The following EXOC4 variants were observed in gnomAD, a reference collection of about 807,000 sequenced individuals.
The protein encoded by EXOC4 is SEC8-like 1.
Under a neutral mutation model 107.2 loss-of-function variants are expected in EXOC4, and 71 were observed. That is an observed-to-expected ratio of 0.66 (90% CI 0.55 to 0.81). EXOC4 has a LOEUF of 0.81. Ranked by LOEUF, EXOC4 falls within the 30% of genes least tolerant of loss-of-function variation. The pLI is 0.00. For synonymous variants in EXOC4, 456 were observed against 441.2 expected (o/e 1.03, Z -0.42); for missense variants, 1,108 against 1,189.6 (o/e 0.93, Z 1.01).
At chr7:133,741,540 C>T (rs1795565244) in intron 10 of EXOC4, among the ~76,000 whole-genome samples, 1 of 152,150 alleles carries the variant, frequency 6.6e-6, no homozygotes, top group African/African-American at 2.4e-5. Flanking sequence ...GAGAGAAAGC[C>T]TAGGTCGTAT....
chr7:133,430,737 G>C (rs1348899226), intron 7 of EXOC4, among the ~76,000 whole-genome samples: 1 of 151,984 alleles, frequency 6.6e-6, no homozygotes. Context: ...ACGCATATTG[G>C]GCATATTATT....
chr7:133,308,453 C>T lies in EXOC4; in HGVS notation c.656+2392C>T, dbSNP rs1017810740. Reference sequence around the variant, plus strand: ...TGAAGACACAGGGAGAAGATGGTCACCTACAAGCGAAGGAGAGAGGTCTCA... The same window carrying T: ...TGAAGACACAGGGAGAAGATGGTCATCTACAAGCGAAGGAGAGAGGTCTCA... On this transcript the variant is annotated intron_variant, in intron 4 of 17. Transcript: ENST00000253861. 3.9e-5 allele frequency among the ~76,000 whole-genome samples: 6 copies of T among 152,252 alleles called. 2 individuals carry two copies. The highest frequency in any genetic ancestry group is 3.9e-4 in the Admixed American group (6 of 15,292).
intron 10 of EXOC4, among the ~76,000 whole-genome samples, chr7:133,693,378 T>C (rs1482920976): frequency 1.3e-5 from 2 of 152,192 alleles, no homozygotes; most frequent in African/African-American, 4.8e-5. Flanking sequence ...CTGCCTGCTT[T>C]ATTCTAGCCC....
intron 17 of EXOC4, among the ~76,000 whole-genome samples, chr7:134,035,460 C>T (rs1270554035): frequency 6.6e-6 from 1 of 152,096 alleles, no homozygotes; most frequent in African/African-American, 2.4e-5. Flanking sequence ...CAAAGAACAG[C>T]ATTTTCACAC....
intron 9 of EXOC4, among the ~76,000 whole-genome samples, chr7:133,492,878 A>G (rs1351029239): frequency 6.6e-6 from 1 of 150,894 alleles, no homozygotes; most frequent in African/African-American, 2.4e-5. Context: ...TTGGAATCTC[A>G]TTTATCTCCA....
In EXOC4 at chr7:133,857,182, A is replaced by ACG. The variant is rs1180228109; in HGVS notation, c.1735-38417_1735-38416insCG. 2.8e-3 allele frequency among the ~76,000 whole-genome samples: 50 copies of ACG among 17,918 alleles called. 1 individual carries two copies. Among genetic ancestry groups the ACG allele is most frequent in the Non-Finnish European group, 3.3e-3 (36 of 10,812 alleles). 11.8% of individuals were successfully genotyped at this position (17,918 alleles called of 152,430 possible). A position where few individuals can be genotyped will look rare whatever the true frequency, so the allele number is the denominator to read the frequency against. On this transcript the variant is annotated intron_variant, in intron 11 of 17. Transcript: ENST00000253861. ...TATATATATATATATATATATATAT[A>ACG]TATATATATATATATATATTTTACC...
chr7:133,931,696 GAACT>G (rs971909970), intron 13 of EXOC4, among the ~76,000 whole-genome samples: 3 of 152,138 alleles, frequency 2.0e-5, no homozygotes, highest in African/African-American at 7.2e-5. Flanking sequence ...TAATGCATTT[GAACT>G]TATCACACAC....
intron 11 of EXOC4, among the ~76,000 whole-genome samples, chr7:133,872,307 A>G (rs974567944): frequency 3.3e-5 from 5 of 152,214 alleles, no homozygotes; most frequent in African/African-American, 9.6e-5. Flanking sequence ...AGTTAATTCA[A>G]TTTTGGTCTT....
intron 10 of EXOC4, among the ~76,000 whole-genome samples, chr7:133,769,850 C>T (rs1417023473): frequency 6.6e-6 from 1 of 151,912 alleles, no homozygotes; most frequent in Admixed American, 6.6e-5. Context: ...CAGGGAGCCT[C>T]ACACTCCAGT....
At chr7:133,867,084 C>T (rs1671096152) in intron 11 of EXOC4, among the ~76,000 whole-genome samples, 1 of 152,194 alleles carries the variant, frequency 6.6e-6, no homozygotes, top group Non-Finnish European at 1.5e-5. Flanking sequence ...AACTAGTGCT[C>T]CTCAGTCCAG....
chr7:133,831,027 C>T (rs1399419282), intron 11 of EXOC4, among the ~76,000 whole-genome samples: 7 of 152,126 alleles, frequency 4.6e-5, no homozygotes, highest in Non-Finnish European at 8.8e-5. Flanking sequence ...TGTGGTGGCG[C>T]GATCTCGGCT....
At chr7:134,082,146 A>G in the EXOC4 span, among the ~76,000 whole-genome samples, 3 of 151,404 alleles carry the variant, frequency 2.0e-5, no homozygotes, top group Non-Finnish European at 4.4e-5. Context: ...TGGCTACTCC[A>G]TAGGCAGAGC....
intron 9 of EXOC4, among the ~76,000 whole-genome samples, chr7:133,500,257 A>G (rs894522605): frequency 4.6e-5 from 7 of 152,210 alleles, no homozygotes; most frequent in African/African-American, 7.2e-5. Flanking sequence ...GAACATTTTC[A>G]TTACCTAGAA....
intron 10 of EXOC4, among the ~76,000 whole-genome samples, chr7:133,682,741 TA>T (rs1471009134): frequency 6.6e-6 from 1 of 152,228 alleles, no homozygotes; most frequent in Non-Finnish European, 1.5e-5. Flanking sequence ...GCTAGTCATC[TA>T]CCACATGTAA....
chr7:133,645,086 CTT>C (rs35058872), intron 10 of EXOC4, among the ~76,000 whole-genome samples: 79 of 123,958 alleles, frequency 6.4e-4, no homozygotes, highest in Admixed American at 2.3e-3. Context: ...CTTCTGCCAC[CTT>C]TTTTTTTTTT....
chr7:134,074,036 C>T, the EXOC4 span, among the ~76,000 whole-genome samples: 1 of 152,230 alleles, frequency 6.6e-6, no homozygotes, highest in Non-Finnish European at 1.5e-5. Flanking sequence ...CACAGGCATC[C>T]CTCACAGTTG....
intron 10 of EXOC4, among the ~76,000 whole-genome samples, chr7:133,672,808 T>C (rs1027458654): frequency 6.6e-6 from 1 of 152,238 alleles, no homozygotes; most frequent in African/African-American, 2.4e-5. Flanking sequence ...ACCTTCATTA[T>C]AGAGCAAGTC....
intron 9 of EXOC4, among the ~76,000 whole-genome samples, chr7:133,583,237 T>A (rs1420960586): frequency 6.6e-6 from 1 of 152,214 alleles, no homozygotes; most frequent in Non-Finnish European, 1.5e-5. Context: ...TTAACTTGGA[T>A]TTTAAACACT....
chr7:134,073,855 C>T, the EXOC4 span, among the ~76,000 whole-genome samples: 1 of 152,058 alleles, frequency 6.6e-6, no homozygotes, highest in Admixed American at 6.5e-5. Flanking sequence ...GGGGTGAGCA[C>T]TACGTCATCA....
Sources: allele counts gnomAD v4.1 joint callset (sites outside exome capture counted in the v4.1 genomes callset), GRCh38; gene constraint gnomAD v4.1.1; transcripts MANE v1.5; gene names NCBI Gene and HGNC (gene_info 2026-07-23, HGNC 2026-07-21).